DOCK2: variants seen among roughly 807,000 people sequenced by gnomAD.
DOCK2 encodes dedicator of cytokinesis 2, also known as dedicator of cytokinesis protein 2.
A neutral mutation model predicts 248.9 loss-of-function variants in DOCK2; 87 were observed. That is an observed-to-expected ratio of 0.35 (90% CI 0.29 to 0.42). The LOEUF is 0.42. DOCK2 is among the 10% of genes least tolerant of loss of function. The pLI, the probability that DOCK2 is intolerant of heterozygous loss-of-function variation, is 1.00. For synonymous variants in DOCK2, 805 were observed against 821.6 expected, an observed-to-expected ratio of 0.98 and a Z score of 0.35; for missense variants, 1,747 against 2,300.2, an observed-to-expected ratio of 0.76 and a Z score of 4.92.
At chr5:169,706,077 C>T (rs1761245429) in intron 14 of DOCK2, among the ~76,000 whole-genome samples, 2 of 152,360 alleles carry the variant, frequency 1.3e-5, no homozygotes, top group South Asian at 4.1e-4. Context: ...CACTTCCCAA[C>T]ACTGTTATTT....
chr5:169,716,388 G>GGCCCTCATT, intron 20 of DOCK2, 86 bp downstream of exon 20: 1 of 1,305,226 alleles, frequency 7.7e-7, no homozygotes, highest in South Asian at 1.2e-5. Flanking sequence ...TGGCCCTCAT[G>GGCCCTCATT]GCCCTCATGG....
intron 27 of DOCK2, among the ~76,000 whole-genome samples, chr5:169,970,588 C>G (rs760445058): frequency 1.7e-4 from 26 of 152,332 alleles, no homozygotes; most frequent in Non-Finnish European, 2.9e-4. Context: ...CCCATCTGTG[C>G]TGCAGGGAGG....
chr5:169,828,372 A>C (rs1408080463), intron 26 of DOCK2, among the ~76,000 whole-genome samples: 1 of 152,166 alleles, frequency 6.6e-6, no homozygotes, highest in Non-Finnish European at 1.5e-5. Flanking sequence ...ATTCTGGCTG[A>C]GGCATAGGCT....
chr5:169,751,346 G>A (rs1347829141), intron 23 of DOCK2, among the ~76,000 whole-genome samples: 2 of 152,054 alleles, frequency 1.3e-5, no homozygotes, highest in African/African-American at 4.8e-5. Flanking sequence ...AGAAGTGACT[G>A]TATGAAAACA....
chr5:169,647,268 A>G (rs1757520397), intron 1 of DOCK2, among the ~76,000 whole-genome samples: 1 of 151,174 alleles, frequency 6.6e-6, no homozygotes, highest in Non-Finnish European at 1.5e-5. Context: ...GAAGAGGTGG[A>G]TTCATAGGTG....
In DOCK2 at chr5:169,850,082, G is replaced by T. The variant is rs77898649; in HGVS notation, c.2799+9230G>T. Among the ~76,000 whole-genome samples, 152 of 152,330 alleles carry T rather than the reference G, an allele frequency of 1.0e-3. 5 individuals are homozygous for T. The East Asian group carries it at 0.027, about 27-fold the overall frequency. On this transcript the variant is annotated intron_variant, in intron 27 of 51. Coordinates refer to ENST00000520908, the MANE Select transcript of DOCK2 (RefSeq NM_004946.3). ...TGCAGAATAACTGGATTGAGTGGAA[G>T]ACAAGACTGGGGGTGGGGAGCGGAA...
intron 23 of DOCK2, among the ~76,000 whole-genome samples, chr5:169,748,897 A>G (rs1464014763): frequency 1.3e-5 from 2 of 152,226 alleles, no homozygotes; most frequent in Non-Finnish European, 2.9e-5. Context: ...TCTAAATTAC[A>G]CATTAGGCCT....
chr5:169,837,752 A>T (rs1244282012), intron 26 of DOCK2, among the ~76,000 whole-genome samples: 1 of 152,192 alleles, frequency 6.6e-6, no homozygotes, highest in Non-Finnish European at 1.5e-5. Context: ...CAGAATTGGG[A>T]TTCAAACTCA....
chr5:169,701,733 G>A (rs887019885), intron 13 of DOCK2, among the ~76,000 whole-genome samples: 1 of 152,038 alleles, frequency 6.6e-6, no homozygotes, highest in African/African-American at 2.4e-5. Flanking sequence ...TCCCAGGCTG[G>A]TTTTGAACTC....
rs534235541 is a variant in DOCK2 at position 170,080,428 on chromosome 5, C to T, written c.5287+145C>T. 25 of 1,263,992 alleles carry T rather than the reference C, an allele frequency of 2.0e-5. No individual in the cohort carries two copies. The Admixed American group carries it at 5.5e-4, about 28-fold the overall frequency. 78.3% of individuals were successfully genotyped at this position (1,263,992 alleles called of 1,614,324 possible). A position where few individuals can be genotyped will look rare whatever the true frequency, so the allele number is the denominator to read the frequency against. ...GAGAGGCTCTGCTCATAGCCACCCA[C>T]CCTCTAATCTCTCCCCACACCCACC... On this transcript the variant is annotated intron_variant, in intron 50 of 51. Transcript: ENST00000520908.
intron 27 of DOCK2, among the ~76,000 whole-genome samples, chr5:169,852,338 T>A (rs752811270): frequency 6.6e-6 from 1 of 152,354 alleles, no homozygotes; most frequent in Middle Eastern, 3.4e-3. Context: ...AGCTTTTTCT[T>A]GTCCTTGGAG....
intron 43 of DOCK2, 145 bp downstream of exon 43, chr5:170,056,913 C>T: frequency 1.4e-6 from 1 of 691,662 alleles, no homozygotes; most frequent in Non-Finnish European, 2.5e-6. Flanking sequence ...GACGTCCGTT[C>T]CCCAATCTCT....
At chr5:170,009,720 G>T (rs1299147844) in intron 32 of DOCK2, among the ~76,000 whole-genome samples, 1 of 152,116 alleles carries the variant, frequency 6.6e-6, no homozygotes, top group Admixed American at 6.5e-5. Flanking sequence ...CTTATTATCT[G>T]CCAGTTCCCA....
rs1561878195 is a variant in DOCK2 at position 170,008,739 on chromosome 5, C to CG, written c.3225_3226insG (p.Lys1076GlufsTer25). On this transcript the variant is annotated frameshift_variant, in exon 32 of 52. Coordinates refer to ENST00000520908, the MANE Select transcript of DOCK2 (RefSeq NM_004946.3). LOFTEE classifies it high-confidence loss of function. ...GCTTCTCCATCCGTGATATGTGGTACAAGCTTGGTGAGTAGGCACACACAT... is the reference window on the plus strand; with the variant it reads ...GCTTCTCCATCCGTGATATGTGGTACGAAGCTTGGTGAGTAGGCACACACAT... 1 of 1,614,016 alleles carries CG rather than the reference C, an allele frequency of 6.2e-7. No homozygotes were observed. Among genetic ancestry groups the CG allele is most frequent in the Non-Finnish European group, 8.5e-7 (1 of 1,179,940 alleles).
chr5:169,671,830 T>A (rs1009132581), intron 5 of DOCK2, among the ~76,000 whole-genome samples: 4 of 152,190 alleles, frequency 2.6e-5, no homozygotes, highest in Non-Finnish European at 5.9e-5. Context: ...TAGACTTACC[T>A]TTCGTGGTCT....
chr5:169,932,183 T>A (rs1775786552), intron 27 of DOCK2, among the ~76,000 whole-genome samples: 2 of 152,126 alleles, frequency 1.3e-5, no homozygotes, highest in South Asian at 4.1e-4. Flanking sequence ...ACGGTGAGTA[T>A]CTGATTTTTA....
intron 27 of DOCK2, among the ~76,000 whole-genome samples, chr5:169,907,970 A>G (rs572984241): frequency 2.4e-4 from 36 of 152,316 alleles, no homozygotes; most frequent in African/African-American, 8.2e-4. Flanking sequence ...ATTTTGTACA[A>G]TATTCCCAGT....
intron 27 of DOCK2, among the ~76,000 whole-genome samples, chr5:169,844,566 C>T (rs186150940): frequency 4.9e-4 from 75 of 152,350 alleles, no homozygotes; most frequent in Admixed American, 1.1e-3. Flanking sequence ...GGCTGTACCA[C>T]TTCACATTCC....
At chr5:169,929,269 T>C (rs1005103643) in intron 27 of DOCK2, among the ~76,000 whole-genome samples, 4 of 152,234 alleles carry the variant, frequency 2.6e-5, no homozygotes, top group Non-Finnish European at 4.4e-5. Flanking sequence ...CTTGGCCATA[T>C]GGTAAACATT....
Sources: allele counts gnomAD v4.1 joint callset (sites outside exome capture counted in the v4.1 genomes callset), GRCh38; gene constraint gnomAD v4.1.1; transcripts MANE v1.5; gene names NCBI Gene and HGNC (gene_info 2026-07-23, HGNC 2026-07-21).